The following ADGRB3 variants were observed in gnomAD, a reference collection of about 807,000 sequenced individuals.
ADGRB3 encodes brain-specific angiogenesis inhibitor 3.
In ADGRB3, 37 loss-of-function variants were observed where a neutral mutation model predicts 193.4. The ratio of observed to expected loss-of-function variants is 0.19; its 90% confidence interval spans 0.15 to 0.25. The LOEUF (loss-of-function observed/expected upper bound fraction) is 0.25, where lower values mean the gene tolerates loss of function less well. ADGRB3 is among the 10% of genes least tolerant of loss of function. ADGRB3 has a pLI of 1.00. For missense variants in ADGRB3, 1,637 were observed against 1,852.9 expected, an observed-to-expected ratio of 0.88 and a Z score of 2.14; for synonymous variants, 690 against 644.2, an observed-to-expected ratio of 1.07 and a Z score of -1.08.
intron 3 of ADGRB3, among the ~76,000 whole-genome samples, chr6:68,896,752 C>A (rs1766229185): frequency 6.6e-6 from 1 of 152,114 alleles, no homozygotes; most frequent in Non-Finnish European, 1.5e-5. Context: ...CATTCTAAAT[C>A]ATCGCCTATC....
intron 17 of ADGRB3, among the ~76,000 whole-genome samples, chr6:69,081,363 A>G (rs749449365): frequency 1.2e-4 from 19 of 152,170 alleles, no homozygotes; most frequent in South Asian, 6.2e-4. Context: ...ATAGTCAAAG[A>G]TGCTAATGCC....
chr6:68,858,656 A>C (rs539927043), intron 3 of ADGRB3, among the ~76,000 whole-genome samples: 1 of 151,934 alleles, frequency 6.6e-6, no homozygotes, highest in East Asian at 1.9e-4. Context: ...ACTAAAAAGT[A>C]CATCAGGGAA....
At chr6:69,215,072 A>G (rs2127243495) in intron 17 of ADGRB3, among the ~76,000 whole-genome samples, 1 of 152,258 alleles carries the variant, frequency 6.6e-6, no homozygotes, top group Non-Finnish European at 1.5e-5. Context: ...CAAAATTGTA[A>G]AAGTCATGAA....
chr6:69,190,197 A>G (rs1195328587), intron 17 of ADGRB3, among the ~76,000 whole-genome samples: 1 of 152,086 alleles, frequency 6.6e-6, no homozygotes, highest in Admixed American at 6.6e-5. Context: ...TCGGGAAGTC[A>G]TTTGTGGAGA....
intron 20 of ADGRB3, among the ~76,000 whole-genome samples, chr6:69,284,721 T>G (rs1004450125): frequency 2.6e-5 from 4 of 152,174 alleles, no homozygotes; most frequent in African/African-American, 9.7e-5. Context: ...AACCTGACAA[T>G]TGACTGAAGG....
chr6:69,340,964 C>G (rs1369930946), intron 26 of ADGRB3, among the ~76,000 whole-genome samples: 2 of 152,210 alleles, frequency 1.3e-5, no homozygotes, highest in Non-Finnish European at 2.9e-5. Context: ...TCAATAGCTG[C>G]AGAGCATTCC....
At chr6:69,166,760 C>T (rs919250004) in intron 17 of ADGRB3, among the ~76,000 whole-genome samples, 3 of 152,072 alleles carry the variant, frequency 2.0e-5, no homozygotes, top group Admixed American at 2.0e-4. Context: ...CATCATTAGG[C>T]CTGGTAGCTG....
intron 20 of ADGRB3, among the ~76,000 whole-genome samples, chr6:69,263,363 A>C (rs1766970094): frequency 6.6e-6 from 1 of 152,042 alleles, no homozygotes; most frequent in Non-Finnish European, 1.5e-5. Context: ...TTCTTCCAAA[A>C]ATCATGATGG....
chr6:69,119,900 T>G (rs1232001159), intron 17 of ADGRB3, among the ~76,000 whole-genome samples: 1 of 152,158 alleles, frequency 6.6e-6, no homozygotes, highest in Non-Finnish European at 1.5e-5. Context: ...ACTACTGTGT[T>G]GGCAATGGGT....
intron 17 of ADGRB3, among the ~76,000 whole-genome samples, chr6:69,195,836 T>A (rs1345342505): frequency 2.6e-5 from 4 of 152,184 alleles, no homozygotes; most frequent in Non-Finnish European, 5.9e-5. Flanking sequence ...AATCAATTCC[T>A]TTTTTTATAC....
At chr6:68,884,515 A>T (rs1174713383) in intron 3 of ADGRB3, among the ~76,000 whole-genome samples, 1 of 152,330 alleles carries the variant, frequency 6.6e-6, no homozygotes, top group East Asian at 1.9e-4. Flanking sequence ...TTAGTATTTC[A>T]GGCAGAGGAA....
intron 17 of ADGRB3, among the ~76,000 whole-genome samples, chr6:69,156,949 G>A (rs768444213): frequency 2.6e-5 from 4 of 152,136 alleles, no homozygotes; most frequent in Non-Finnish European, 5.9e-5. Flanking sequence ...AGTATAATTA[G>A]CCTTCCAGCA....
chr6:69,367,149 T>C (rs1307353349), intron 29 of ADGRB3, among the ~76,000 whole-genome samples: 1 of 152,102 alleles, frequency 6.6e-6, no homozygotes, highest in Non-Finnish European at 1.5e-5. Flanking sequence ...CAAAAGAAAC[T>C]GTAAGTGCAG....
chr6:69,075,835 A>G (rs1036870033), intron 16 of ADGRB3, among the ~76,000 whole-genome samples, 160 bp from the exon 17 acceptor site: 4 of 152,186 alleles, frequency 2.6e-5, no homozygotes, highest in Non-Finnish European at 4.4e-5. Context: ...TCTATGAGAA[A>G]CGAAATGCAA....
At chr6:68,743,869 ATG>A (rs1312461706) in intron 3 of ADGRB3, among the ~76,000 whole-genome samples, 1 of 152,102 alleles carries the variant, frequency 6.6e-6, no homozygotes, top group Non-Finnish European at 1.5e-5. Context: ...CATAGCGCTA[ATG>A]TGTAGGGAAC....
intron 11 of ADGRB3, among the ~76,000 whole-genome samples, chr6:69,000,377 G>A (rs960634641): frequency 1.3e-5 from 2 of 152,164 alleles, no homozygotes; most frequent in Non-Finnish European, 2.9e-5. Flanking sequence ...TTTGTTTTAT[G>A]TGCGTTTCAG....
At chr6:68,892,617 CTT>C (rs1483972680) in intron 3 of ADGRB3, among the ~76,000 whole-genome samples, 1 of 152,104 alleles carries the variant, frequency 6.6e-6, no homozygotes, top group East Asian at 1.9e-4. Flanking sequence ...TCATGTGTGT[CTT>C]AACATTTCTC....
intron 12 of ADGRB3, among the ~76,000 whole-genome samples, chr6:69,016,450 C>T (rs1315893128): frequency 2.0e-5 from 3 of 151,908 alleles, no homozygotes; most frequent in South Asian, 2.1e-4. Flanking sequence ...CTGAAGAGAA[C>T]TTAAGAGCAC....
intron 3 of ADGRB3, among the ~76,000 whole-genome samples, chr6:68,919,895 T>G (rs1372718406): frequency 1.3e-5 from 2 of 152,172 alleles, no homozygotes; most frequent in Non-Finnish European, 2.9e-5. Flanking sequence ...CAAGAAAGTA[T>G]TGTTCAGAGA....
Sources: gnomAD v4.1 joint callset for allele counts (sites outside exome capture counted in the v4.1 genomes callset) on GRCh38, gnomAD v4.1.1 for gene constraint, MANE v1.5 for transcripts, NCBI Gene and HGNC (gene_info 2026-07-23, HGNC 2026-07-21) for gene names.